NELFCD: variants seen among roughly 807,000 people sequenced by gnomAD.
The protein encoded by NELFCD is negative elongation factor C/D.
Under a neutral mutation model 72.9 loss-of-function variants are expected in NELFCD, and 48 were observed. That is an observed-to-expected ratio of 0.66 (90% CI 0.52 to 0.84). NELFCD has a LOEUF of 0.84. Among genes scored for constraint, NELFCD ranks in the 40% least tolerant of loss-of-function variants. NELFCD has a pLI of 0.00. For synonymous variants in NELFCD, 297 were observed against 280.6 expected (o/e 1.06, Z -0.59); for missense variants, 538 against 723.8 (o/e 0.74, Z 2.94).
rs1047001606 is a variant in NELFCD, at chr20:58,993,386, A to C, written c.1345-63A>C. On this transcript the variant is annotated intron_variant, in intron 11 of 14. Transcript: ENST00000652272. This position sits in a 1 kb window ranked among gnomAD's most constrained non-coding sequence, Gnocchi z 5.0. ...CTCTTTGGTGGCTGTGACAGTGCCC[A>C]GTTTCTCTGTGTGCTGAGCGTGACC... is the stretch of plus-strand genomic sequence containing the variant. 6.7e-7 allele frequency: 1 copy of C among 1,501,862 alleles called. No individual in the cohort carries two copies. Among genetic ancestry groups the C allele is most frequent in the Admixed American group, 1.7e-5 (1 of 57,564 alleles). The allele number at this position is 1,501,862 out of a possible 1,614,324, so 93.0% of individuals were successfully genotyped here. A position where few individuals can be genotyped will look rare whatever the true frequency, so the allele number is the denominator to read the frequency against.
chr20:58,988,436 G>A (rs2091788536), intron 4 of NELFCD, among the ~76,000 whole-genome samples: 2 of 152,216 alleles, frequency 1.3e-5, no homozygotes, highest in African/African-American at 4.8e-5. Flanking sequence ...CAGCCTCGGG[G>A]AGCTGGCCTT....
chr20:58,991,553 T>C (rs1032813128), intron 9 of NELFCD, 107 bp downstream of exon 9: 10 of 1,279,924 alleles, frequency 7.8e-6, no homozygotes, highest in Middle Eastern at 1.9e-4. Context: ...CCCTCCCTAG[T>C]ATCAGGCATG....
intron 4 of NELFCD, among the ~76,000 whole-genome samples, chr20:58,988,369 C>T (rs1029485069): frequency 1.3e-5 from 2 of 152,230 alleles, no homozygotes; most frequent in Non-Finnish European, 2.9e-5. Context: ...TGGGAGCCCA[C>T]GTCTCCTGGA....
At chr20:58,992,363 C>T (rs1024509142) in intron 10 of NELFCD, among the ~76,000 whole-genome samples, 4 of 152,218 alleles carry the variant, frequency 2.6e-5, no homozygotes, top group Non-Finnish European at 1.5e-5. Flanking sequence ...TATAAATAGA[C>T]GTGTCCTAGA....
At chr20:58,994,347 T>G in intron 14 of NELFCD, 108 bp downstream of exon 14, 1 of 1,210,942 alleles carries the variant, frequency 8.3e-7, no homozygotes, top group Non-Finnish European at 1.2e-6. Flanking sequence ...GTGGATCACC[T>G]GAGGTTGGGA....
rs1340231581 is a variant in NELFCD, at chr20:58,990,000, T to A, written c.788+12T>A. ...TTTGCCCAGGAGAAGTGAGAGGCCC[T>A]GTTTCTGCTCAGCCCTTCCTTCCTA... On this transcript the variant is annotated intron_variant, in intron 7 of 14. Transcript: ENST00000652272. 5.6e-6 allele frequency: 9 copies of A among 1,610,528 alleles called. No homozygotes were observed. The highest frequency in any genetic ancestry group is 7.6e-6 in the Non-Finnish European group (9 of 1,179,898).
Position 58,989,935 on chromosome 20 carries a change from G to A in NELFCD, c.735G>A (p.Gly245=), listed in dbSNP as rs2091802804. 1 of 1,614,076 alleles carries A rather than the reference G, an allele frequency of 6.2e-7. No homozygotes were observed. The part of the protein sequence containing the change: ...MMSVLAQEEQ[G]GSAVRRIAQE... ...CCGTGCTGGCCCAGGAGGAGCAGGG[G>A]GGCTCCGCTGTGCGCAGGATCGCCC... is the stretch of plus-strand genomic sequence containing the variant. The change falls in exon 7 of 15, where the codon GGG becomes GGA. Residue 245 remains glycine, a synonymous_variant. Transcript: ENST00000652272.
intron 1 of NELFCD, among the ~76,000 whole-genome samples, chr20:58,982,135 C>G (rs978398158): frequency 7.8e-6 from 1 of 128,112 alleles, no homozygotes; most frequent in African/African-American, 2.9e-5. Flanking sequence ...AGCCTGGGAA[C>G]TTGCATTTTT....
At position 58,986,966 on chromosome 20, in the gene NELFCD, G is replaced by T; in HGVS notation, c.286+103G>T. On this transcript the variant is annotated intron_variant, in intron 3 of 14. Coordinates refer to ENST00000652272, the MANE Select transcript of NELFCD (RefSeq NM_198976.4). The surrounding 1 kb of genome is among the most constrained non-coding windows in gnomAD (Gnocchi z 4.4). ...GATACAATGCCTTCTTTGATTTCCT[G>T]GTTTCTGAGACTTGTGTAAGAAAGA... 3 of 647,738 alleles carry T rather than the reference G, an allele frequency of 4.6e-6. No homozygotes were observed. Among genetic ancestry groups the T allele is most frequent in the Non-Finnish European group, 8.0e-6 (3 of 374,668 alleles). The allele number at this position is 647,738 out of a possible 1,614,324, so 40.1% of individuals were successfully genotyped here.
In NELFCD at chr20:58,986,267, G is replaced by C; in HGVS notation, c.176+59G>C. ...CTGGGGGTAATTTAGAGAAAGTTTT[G>C]TAATACACCCAGAAGGTGCTATGTA... On this transcript the variant is annotated intron_variant, in intron 2 of 14. Transcript: ENST00000652272. The surrounding 1 kb of genome is among the most constrained non-coding windows in gnomAD (Gnocchi z 4.4). The C allele has an allele frequency of 9.0e-7, 1 of 1,106,564 alleles. No individual in the cohort carries two copies. Among genetic ancestry groups the C allele is most frequent in the Non-Finnish European group, 1.4e-6 (1 of 719,306 alleles). 68.5% of individuals were successfully genotyped at this position (1,106,564 alleles called of 1,614,324 possible).
At chr20:58,987,869 A>C in intron 4 of NELFCD, 52 bp downstream of exon 4, 1 of 1,394,930 alleles carries the variant, frequency 7.2e-7, no homozygotes, top group East Asian at 2.3e-5. Context: ...TCTTTTGCAA[A>C]TTCCCTGTGT....
chr20:58,983,066 TG>T (rs1423384161), intron 1 of NELFCD, among the ~76,000 whole-genome samples: 4 of 151,628 alleles, frequency 2.6e-5, no homozygotes, highest in Non-Finnish European at 5.9e-5. Flanking sequence ...GTGGTCCAGA[TG>T]AGAAGGTGTG....
chr20:58,989,818 A>G, intron 6 of NELFCD, 40 bp from the exon 7 acceptor site: 1 of 1,613,834 alleles, frequency 6.2e-7, no homozygotes, highest in Non-Finnish European at 8.5e-7. Context: ...TCTGTGCTAC[A>G]GTAGTAAACC....
In NELFCD at chr20:58,992,070, C is replaced by T. The variant is rs373016845; in HGVS notation, c.1229+50C>T. 49 of 1,522,008 alleles carry T rather than the reference C, an allele frequency of 3.2e-5. No homozygotes were observed. The Admixed American group carries it at 3.8e-4, about 12-fold the overall frequency. 94.3% of individuals were successfully genotyped at this position (1,522,008 alleles called of 1,614,324 possible). A position where few individuals can be genotyped will look rare whatever the true frequency, so the allele number is the denominator to read the frequency against. On this transcript the variant is annotated intron_variant, in intron 10 of 14. Coordinates refer to ENST00000652272, the MANE Select transcript of NELFCD (RefSeq NM_198976.4). Reference sequence around the variant, plus strand: ...TAAATCAGTCCTTTGGGGAGGAGGTCGTTTGAGTTTTCATATTGAAAGCTC... The same window carrying T: ...TAAATCAGTCCTTTGGGGAGGAGGTTGTTTGAGTTTTCATATTGAAAGCTC...
chr20:58,981,847 T>C (rs1003707338), intron 1 of NELFCD, among the ~76,000 whole-genome samples: 2 of 152,242 alleles, frequency 1.3e-5, no homozygotes, highest in Non-Finnish European at 2.9e-5. Context: ...TTTACTGTTT[T>C]ATAAACTGTA....
Position 58,986,694 on chromosome 20 carries a change from C to T in NELFCD, c.177-60C>T. On this transcript the variant is annotated intron_variant, in intron 2 of 14. Coordinates refer to ENST00000652272, the MANE Select transcript of NELFCD (RefSeq NM_198976.4). The surrounding 1 kb of genome is among the most constrained non-coding windows in gnomAD (Gnocchi z 4.4). ...ACCTGATTCTCTTCCTCCTTCCTTA[C>T]CTTCCTGTTGTCCATCATTCCATTC... is the stretch of plus-strand genomic sequence containing the variant. 3.4e-6 allele frequency: 4 copies of T among 1,160,160 alleles called. No homozygotes were observed. In the South Asian group the frequency reaches 4.9e-5, roughly 14 times the overall value. The allele number at this position is 1,160,160 out of a possible 1,614,324, so 71.9% of individuals were successfully genotyped here.
intron 10 of NELFCD, 140 bp from the exon 11 acceptor site, chr20:58,992,858 A>AG (rs1291288659): frequency 1.6e-6 from 1 of 615,714 alleles, no homozygotes; most frequent in East Asian, 2.8e-5. Context: ...CAAAAAAAAA[A>AG]AAAAAAAAGG....
chr20:58,994,424 A>G (rs190765816), intron 14 of NELFCD, among the ~76,000 whole-genome samples, 185 bp downstream of exon 14: 209 of 152,194 alleles, frequency 1.4e-3, no homozygotes, highest in African/African-American at 4.5e-3. Flanking sequence ...TTAGCTGGGC[A>G]TGGTGGCACG....
intron 1 of NELFCD, among the ~76,000 whole-genome samples, chr20:58,984,862 C>T (rs1449710248): frequency 6.6e-6 from 1 of 152,166 alleles, no homozygotes; most frequent in African/African-American, 2.4e-5. Context: ...AGAGAACAGA[C>T]AACGTGGGAA....
Sources: gnomAD v4.1 joint callset for allele counts (sites outside exome capture counted in the v4.1 genomes callset) on GRCh38, gnomAD v4.1.1 for gene constraint, Gnocchi (gnomAD v3.1) non-coding constraint, MANE v1.5 for transcripts, NCBI Gene and HGNC (gene_info 2026-07-23, HGNC 2026-07-21) for gene names.